Variants in CNTN5 observed in about 807,000 individuals in gnomAD.
CNTN5 encodes contactin 5, also known as contactin-5.
In CNTN5, 77 loss-of-function variants were observed where a neutral mutation model predicts 129.1. The observed-to-expected ratio is 0.60, with a 90% CI of 0.50 to 0.72. The LOEUF (loss-of-function observed/expected upper bound fraction) is 0.72. CNTN5 is among the 30% of genes least tolerant of loss of function. The probability of loss-of-function intolerance (pLI) is 0.00; values close to 1 mark genes in which losing one functional copy is unlikely to be tolerated. For synonymous variants in CNTN5, 509 were observed against 465.6 expected (o/e 1.09, Z -1.20); for missense variants, 1,478 against 1,328.8 (o/e 1.11, Z -1.75).
rs79699259 is a variant in CNTN5, at chr11:99,790,866, C to T, written c.56-28678C>T. Among the ~76,000 whole-genome samples, 1,310 of 152,050 alleles carry T rather than the reference C, an allele frequency of 8.6e-3. 21 individuals are homozygous for T. The highest frequency in any genetic ancestry group is 0.03 in the African/African-American group (1,231 of 41,520). The stretch of plus-strand genomic sequence containing the variant: ...GACATTTTATTAATTGCCATTTTGA[C>T]TGTTGTCTTATTCTGCTTTTGATTT... On this transcript the variant is annotated intron_variant, in intron 3 of 24. Transcript: ENST00000524871.
chr11:99,583,759 C>A (rs145225722), intron 3 of CNTN5, among the ~76,000 whole-genome samples: 6,355 of 152,264 alleles, frequency 0.042, 169 homozygotes, highest in South Asian at 0.087. Context: ...AATTCCTTGA[C>A]CCCTTGTGCT....
At chr11:99,474,431 G>T (rs1286552853) in intron 2 of CNTN5, among the ~76,000 whole-genome samples, 1 of 151,768 alleles carries the variant, frequency 6.6e-6, no homozygotes, top group Non-Finnish European at 1.5e-5. Context: ...AATTCTGTAT[G>T]CCCTTGTTCA....
chr11:100,210,733 C>G (rs1019894055), intron 15 of CNTN5, among the ~76,000 whole-genome samples: 1 of 151,972 alleles, frequency 6.6e-6, no homozygotes, highest in Non-Finnish European at 1.5e-5. Flanking sequence ...GCTAGTAATA[C>G]CAAAAAATAA....
chr11:99,885,286 TAAAAA>T (rs973728080), intron 6 of CNTN5, among the ~76,000 whole-genome samples: 1 of 148,962 alleles, frequency 6.7e-6, no homozygotes, highest in African/African-American at 2.5e-5. Context: ...TGTCTCAAAA[TAAAAA>T]AAAGAAAAAG....
chr11:100,270,348 C>A (rs1950387185), intron 17 of CNTN5, among the ~76,000 whole-genome samples: 1 of 152,186 alleles, frequency 6.6e-6, no homozygotes, highest in South Asian at 2.1e-4. Flanking sequence ...ACAAAGAAAT[C>A]CAAGAATGAT....
intron 2 of CNTN5, among the ~76,000 whole-genome samples, chr11:99,417,104 A>T (rs1055938452): frequency 6.6e-6 from 1 of 152,324 alleles, no homozygotes; most frequent in Admixed American, 6.5e-5. Flanking sequence ...ATTATTTTTT[A>T]AAATTAATTT....
intron 9 of CNTN5, among the ~76,000 whole-genome samples, chr11:100,021,409 G>T (rs1022651424): frequency 6.6e-6 from 1 of 152,152 alleles, no homozygotes; most frequent in African/African-American, 2.4e-5. Context: ...ACAGAAAAGA[G>T]TTGAAATTTT....
At chr11:99,036,312 T>C (rs912628038) in intron 1 of CNTN5, among the ~76,000 whole-genome samples, 1 of 152,128 alleles carries the variant, frequency 6.6e-6, no homozygotes, top group Admixed American at 6.6e-5. Context: ...CAGATTTTTT[T>C]TTCCCAAGAT....
intron 6 of CNTN5, among the ~76,000 whole-genome samples, chr11:99,912,788 G>A (rs888428510): frequency 6.6e-6 from 1 of 151,848 alleles, no homozygotes; most frequent in Non-Finnish European, 1.5e-5. Flanking sequence ...ACAAAGTCTA[G>A]GGCCCTGTGA....
intron 8 of CNTN5, among the ~76,000 whole-genome samples, chr11:99,957,919 A>T (rs185319097): frequency 2.3e-3 from 355 of 151,818 alleles, no homozygotes; most frequent in South Asian, 0.011. Context: ...AAATATGTGT[A>T]TTTATGTAAA....
chr11:99,606,476 T>A (rs1267210263), intron 3 of CNTN5, among the ~76,000 whole-genome samples: 1 of 144,988 alleles, frequency 6.9e-6, no homozygotes, highest in African/African-American at 2.6e-5. Context: ...GAACATTCCA[T>A]GCTCATGGGT....
At chr11:99,205,184 A>T (rs374177901) in intron 1 of CNTN5, among the ~76,000 whole-genome samples, 23,720 of 151,924 alleles carry the variant, frequency 0.16, 1,918 homozygotes, top group Middle Eastern at 0.19. Context: ...AACAAAAAAA[A>T]CTCCAAGAAA....
intron 9 of CNTN5, among the ~76,000 whole-genome samples, chr11:100,045,643 A>T (rs949994505): frequency 6.6e-6 from 1 of 152,092 alleles, no homozygotes; most frequent in African/African-American, 2.4e-5. Flanking sequence ...TTTCTCTCCA[A>T]AATGAGACTG....
At chr11:99,553,346 T>C (rs1948557035) in intron 2 of CNTN5, among the ~76,000 whole-genome samples, 1 of 152,100 alleles carries the variant, frequency 6.6e-6, no homozygotes, top group African/African-American at 2.4e-5. Context: ...TTTGCTTTGG[T>C]AACTTTTATT....
At position 100,026,929 on chromosome 11, in the gene CNTN5, T is replaced by C. The variant is rs975955035; in HGVS notation, c.980+24793T>C. Among the ~76,000 whole-genome samples the C allele has an allele frequency of 5.9e-5, 9 of 152,258 alleles. No homozygotes were observed. The East Asian group carries it at 1.5e-3, about 26-fold the overall frequency. On this transcript the variant is annotated intron_variant, in intron 9 of 24. Coordinates refer to ENST00000524871, the MANE Select transcript of CNTN5 (RefSeq NM_014361.4). ...TTTTCATGGATTATGCCTTTGATAG[T>C]GTATCTAAAATGTCATTATCAAAAC...
intron 8 of CNTN5, among the ~76,000 whole-genome samples, chr11:99,988,317 G>T (rs1377577): frequency 0.99 from 150,922 of 152,300 alleles, 74,792 homozygotes; most frequent in Middle Eastern, 1. Flanking sequence ...CACGTTTTTT[G>T]CCCAGAGTTA....
intron 1 of CNTN5, among the ~76,000 whole-genome samples, chr11:99,043,106 A>C (rs753727004): frequency 2.6e-5 from 4 of 152,228 alleles, no homozygotes; most frequent in Non-Finnish European, 5.9e-5. Context: ...TGCAGGAAGA[A>C]AATATGTTTT....
At chr11:99,985,251 A>C (rs1312557217) in intron 8 of CNTN5, among the ~76,000 whole-genome samples, 2 of 152,148 alleles carry the variant, frequency 1.3e-5, no homozygotes, top group Non-Finnish European at 2.9e-5. Flanking sequence ...TCACACAGAC[A>C]CTTGAAGGAT....
chr11:99,418,226 A>G (rs1942744516), intron 2 of CNTN5, among the ~76,000 whole-genome samples: 1 of 152,170 alleles, frequency 6.6e-6, no homozygotes, highest in African/African-American at 2.4e-5. Context: ...AATTACTTCT[A>G]GTTTTTAAAT....
Sources: allele counts gnomAD v4.1 joint callset (sites outside exome capture counted in the v4.1 genomes callset), GRCh38; gene constraint gnomAD v4.1.1; transcripts MANE v1.5; gene names NCBI Gene and HGNC (gene_info 2026-07-23, HGNC 2026-07-21).